Variants in SLC26A7 observed in about 807,000 individuals in gnomAD.
The protein encoded by SLC26A7 is anion exchange transporter.
In SLC26A7, 59 loss-of-function variants were observed where a neutral mutation model predicts 82.5. The observed-to-expected ratio is 0.72, with a 90% confidence interval of 0.58 to 0.89. The LOEUF is 0.89. SLC26A7 is among the 40% of genes least tolerant of loss of function. SLC26A7 has a pLI of 0.00. For synonymous variants in SLC26A7, 271 were observed against 274.3 expected (o/e 0.99, Z 0.12); for missense variants, 820 against 793.0 (o/e 1.03, Z -0.41).
chr8:91,219,532 TA>T (rs1810124437), intron 2 of SLC26A7, among the ~76,000 whole-genome samples: 1 of 152,138 alleles, frequency 6.6e-6, no homozygotes, highest in African/African-American at 2.4e-5. Flanking sequence ...TTTCTCGTTT[TA>T]AAAAAACTTT....
chr8:91,321,817 T>C (rs1409315526), intron 5 of SLC26A7, among the ~76,000 whole-genome samples: 1 of 152,178 alleles, frequency 6.6e-6, no homozygotes, highest in Non-Finnish European at 1.5e-5. Flanking sequence ...GGGAAAAAAT[T>C]ATTATTTTTT....
At position 91,214,994 on chromosome 8, in the gene SLC26A7, T is replaced by A. The variant is rs528339847; in HGVS notation, c.-149-3896T>A. ...TGGTTCCTTTCTTCCATCTTCAAAGTCAGTATTGGCTGATCTAGGCCTTCT... is the reference window on the plus strand; with the variant it reads ...TGGTTCCTTTCTTCCATCTTCAAAGACAGTATTGGCTGATCTAGGCCTTCT... On this transcript the variant is annotated intron_variant, in intron 1 of 5. Transcript: ENST00000522862. Among the ~76,000 whole-genome samples the A allele has an allele frequency of 2.0e-5, 3 of 152,154 alleles. No individual in the cohort carries two copies. The South Asian group carries it at 6.2e-4, about 32-fold the overall frequency.
At chr8:91,328,435 C>G (rs1812991286) in intron 5 of SLC26A7, among the ~76,000 whole-genome samples, 2 of 152,132 alleles carry the variant, frequency 1.3e-5, no homozygotes, top group Admixed American at 6.5e-5. Flanking sequence ...AATATAACCT[C>G]AATAAACAAG....
intron 5 of SLC26A7, among the ~76,000 whole-genome samples, chr8:91,329,450 T>C (rs1232243042): frequency 6.6e-6 from 1 of 152,184 alleles, no homozygotes; most frequent in African/African-American, 2.4e-5. Context: ...CTGGAGCATC[T>C]TGTGAGATGT....
At chr8:91,394,484 G>T in intron 18 of SLC26A7, 1 of 1,337,374 alleles carries the variant, frequency 7.5e-7, no homozygotes. Flanking sequence ...GTGCTCACAT[G>T]ATCTGAAGTG....
chr8:91,212,500 C>T (rs1360662358), intron 1 of SLC26A7, among the ~76,000 whole-genome samples: 1 of 152,146 alleles, frequency 6.6e-6, no homozygotes, highest in African/African-American at 2.4e-5. Flanking sequence ...CGTTCATTTA[C>T]TTTATGAAAA....
intron 9 of SLC26A7, chr8:91,348,389 G>A (rs13274956): frequency 0.057 from 55,385 of 979,450 alleles, 1,967 homozygotes; most frequent in African/African-American, 0.15. Flanking sequence ...TACTCCCAAC[G>A]AAATATCTAG....
rs189743926 is a variant in SLC26A7 at position 91,216,885 on chromosome 8, C to T, written c.-149-2005C>T. On this transcript the variant is annotated intron_variant, in intron 1 of 5. Coordinates refer to the SLC26A7 transcript ENST00000522862. ...TTATAGTTTATACTGTATTGTTTCC[C>T]CAATACAATGTGCACATTCTTGAAT... Among the ~76,000 whole-genome samples, 230 of 152,086 alleles carry T rather than the reference C, an allele frequency of 1.5e-3. 1 individual carries two copies. Among genetic ancestry groups the T allele is most frequent in the Non-Finnish European group, 2.7e-3 (186 of 67,984 alleles).
chr8:91,288,472 A>G (rs1351686633), intron 2 of SLC26A7, among the ~76,000 whole-genome samples: 1 of 152,214 alleles, frequency 6.6e-6, no homozygotes, highest in Non-Finnish European at 1.5e-5. Flanking sequence ...TAGTCTTTAC[A>G]AGGAATAAAA....
chr8:91,343,864 T>G (rs1458502040), intron 9 of SLC26A7: 1 of 361,732 alleles, frequency 2.8e-6, no homozygotes, highest in African/African-American at 2.2e-5. Flanking sequence ...GAAAGTTCTA[T>G]CTATAGATAT....
chr8:91,228,823 CGTTTAAAAT>C (rs1373419768), intron 2 of SLC26A7, among the ~76,000 whole-genome samples: 5 of 152,070 alleles, frequency 3.3e-5, no homozygotes, highest in Admixed American at 2.6e-4. Context: ...CAAAAAAGTG[CGTTTAAAAT>C]GTTTTAAAAC....
At chr8:91,377,321 C>T (rs1242163605) in intron 15 of SLC26A7, among the ~76,000 whole-genome samples, 2 of 152,080 alleles carry the variant, frequency 1.3e-5, no homozygotes, top group African/African-American at 2.4e-5. Flanking sequence ...TGATTGGTAC[C>T]ACATCTACGT....
chr8:91,318,159 T>C (rs1368961375), intron 4 of SLC26A7, 57 bp from the exon 5 acceptor site: 2 of 1,472,064 alleles, frequency 1.4e-6, no homozygotes, highest in Non-Finnish European at 1.9e-6. Flanking sequence ...TTAAGCCCTC[T>C]GGGAACTTTG....
chr8:91,313,059 C>T (rs1297455274), intron 4 of SLC26A7, among the ~76,000 whole-genome samples: 1 of 152,034 alleles, frequency 6.6e-6, no homozygotes. Context: ...AATAGCACTG[C>T]CTAATCTGAT....
intron 13 of SLC26A7, among the ~76,000 whole-genome samples, chr8:91,364,487 A>G (rs1222532287): frequency 1.3e-5 from 2 of 152,134 alleles, no homozygotes; most frequent in Admixed American, 1.3e-4. Context: ...AGAGCCTTCC[A>G]GGGTGTTCTA....
intron 2 of SLC26A7, among the ~76,000 whole-genome samples, chr8:91,219,704 C>T (rs113189479): frequency 1.3e-5 from 2 of 152,158 alleles, no homozygotes; most frequent in South Asian, 4.1e-4. Flanking sequence ...CCATCCACAT[C>T]AGTTGAGAAC....
intron 1 of SLC26A7, among the ~76,000 whole-genome samples, chr8:91,218,332 A>T (rs1810092826): frequency 1.4e-5 from 1 of 70,040 alleles, no homozygotes; most frequent in African/African-American, 7.6e-5. Flanking sequence ...GGCTAACAGG[A>T]TTTTGACTGC....
chr8:91,323,863 G>A (rs1812863382), intron 5 of SLC26A7, among the ~76,000 whole-genome samples: 1 of 145,384 alleles, frequency 6.9e-6, no homozygotes, highest in Non-Finnish European at 1.5e-5. Context: ...CTGCCACTGA[G>A]GCTGGAGTGC....
chr8:91,261,544 A>G (rs569874889), intron 2 of SLC26A7, among the ~76,000 whole-genome samples: 1 of 152,204 alleles, frequency 6.6e-6, no homozygotes, highest in East Asian at 1.9e-4. Context: ...CCATCTATAT[A>G]ACATAACATG....
Sources: gnomAD v4.1 joint callset for allele counts (sites outside exome capture counted in the v4.1 genomes callset) on GRCh38, gnomAD v4.1.1 for gene constraint, MANE v1.5 for transcripts, NCBI Gene and HGNC (gene_info 2026-07-23, HGNC 2026-07-21) for gene names.